Variants in KMT2C observed in about 807,000 individuals in gnomAD.
KMT2C encodes the protein histone-lysine N-methyltransferase 2C.
Under a neutral mutation model 507.9 loss-of-function variants are expected in KMT2C, and 88 were observed. The observed-to-expected ratio is 0.17, with a 90% CI of 0.15 to 0.21. The LOEUF (loss-of-function observed/expected upper bound fraction) is 0.21, where lower values mean the gene tolerates loss of function less well. KMT2C is among the 10% of genes least tolerant of loss of function. The pLI, the probability that KMT2C is intolerant of heterozygous loss-of-function variation, is 1.00. For missense variants in KMT2C, 4,954 were observed against 5,957.8 expected (o/e 0.83, Z 5.55); for synonymous variants, 2,049 against 2,080.8 (o/e 0.98, Z 0.42).
At chr7:152,238,225 T>C (rs2095320698) in intron 15 of KMT2C, among the ~76,000 whole-genome samples, 2 of 152,430 alleles carry the variant, frequency 1.3e-5, no homozygotes, top group Admixed American at 6.5e-5. Flanking sequence ...TCAAAATGCA[T>C]CACACTACTT....
intron 2 of KMT2C, among the ~76,000 whole-genome samples, chr7:152,343,446 C>T (rs1303405389): frequency 3.7e-5 from 3 of 81,842 alleles, no homozygotes; most frequent in Non-Finnish European, 7.3e-5. Flanking sequence ...GAGAAAAAGA[C>T]TGGGAAAAAA....
intron 38 of KMT2C, among the ~76,000 whole-genome samples, chr7:152,175,184 C>G (rs2093145322): frequency 6.8e-6 from 1 of 147,982 alleles, no homozygotes; most frequent in South Asian, 2.1e-4. Flanking sequence ...CTCACTCTGT[C>G]CCCCAGGCTG....
rs182856324 is a variant in KMT2C, at chr7:152,248,571, A to G, written c.1863T>C (p.Asn621=). 2 of 1,613,476 alleles carry G rather than the reference A, an allele frequency of 1.2e-6. No individual in the cohort carries two copies. The highest frequency in any genetic ancestry group is 1.7e-6 in the Non-Finnish European group (2 of 1,179,658). ...VNTELEKQIS[N]EVDSEDLKMS... is the part of the protein sequence containing the mutation. ...TTTTCAGGTCTTCACTATCAACTTC[A>G]TTAGAAATCTGTTTTTCCAATTCAG... The change falls in exon 14 of 59, where the codon AAT becomes AAC. Residue 621 remains asparagine (N), a synonymous_variant. Coordinates refer to ENST00000262189, the MANE Select transcript of KMT2C (RefSeq NM_170606.3).
intron 7 of KMT2C, among the ~76,000 whole-genome samples, chr7:152,267,134 G>A (rs1429533646): frequency 6.6e-6 from 1 of 152,172 alleles, no homozygotes; most frequent in African/African-American, 2.4e-5. Context: ...GAGTTTCTTA[G>A]GATTTCATCC....
intron 6 of KMT2C, among the ~76,000 whole-genome samples, chr7:152,274,261 A>G (rs943829460): frequency 1.3e-5 from 2 of 152,174 alleles, no homozygotes; most frequent in African/African-American, 4.8e-5. Context: ...CATATATTTT[A>G]TTTATGAGAC....
chr7:152,168,464 G>A (rs1372876257), intron 41 of KMT2C, among the ~76,000 whole-genome samples: 1 of 152,172 alleles, frequency 6.6e-6, no homozygotes, highest in Non-Finnish European at 1.5e-5. Flanking sequence ...TCCAGTACAT[G>A]TATGAACTTG....
At chr7:152,372,560 C>A (rs2097300492) in intron 1 of KMT2C, among the ~76,000 whole-genome samples, 1 of 152,122 alleles carries the variant, frequency 6.6e-6, no homozygotes, top group Non-Finnish European at 1.5e-5. Flanking sequence ...AAAGATATTC[C>A]ACACACATGT....
chr7:152,313,994 G>T (rs1348234524), intron 4 of KMT2C, among the ~76,000 whole-genome samples: 1 of 152,010 alleles, frequency 6.6e-6, no homozygotes, highest in Non-Finnish European at 1.5e-5. Context: ...CATTAAATTT[G>T]CTAATAGACA....
At chr7:152,209,698 C>T (rs111312970) in intron 23 of KMT2C, among the ~76,000 whole-genome samples, 3 of 147,500 alleles carry the variant, frequency 2.0e-5, no homozygotes, top group African/African-American at 7.5e-5. Context: ...TATGATCACA[C>T]TACTGCATTC....
rs554112471 is a variant in KMT2C, at chr7:152,295,969, G to A, written c.849+13997C>T. Among the ~76,000 whole-genome samples, 401 of 150,650 alleles carry A rather than the reference G, an allele frequency of 2.7e-3. 3 individuals are homozygous for A. The highest frequency in any genetic ancestry group is 9.4e-3 in the African/African-American group (386 of 40,916). On this transcript the variant is annotated intron_variant, in intron 6 of 58. Coordinates refer to ENST00000262189, the MANE Select transcript of KMT2C (RefSeq NM_170606.3). ...TATAGTCCCAGCTACTCGGGAGGCT[G>A]AGGCAGGAGAATGGCGTGAACCCAG...
chr7:152,161,902 C>T lies in KMT2C; in HGVS notation c.11460+215G>A, dbSNP rs536296771. Among the ~76,000 whole-genome samples, 3 of 152,148 alleles carry T rather than the reference C, an allele frequency of 2.0e-5. No individual in the cohort carries two copies. The East Asian group carries it at 5.8e-4, about 29-fold the overall frequency. The stretch of plus-strand genomic sequence containing the variant: ...ATATGAAATGCAATACATGCCTTTG[C>T]TTTTTAAAAAATAGTAAACAAATTA... On this transcript the variant is annotated intron_variant, in intron 43 of 58. Coordinates refer to ENST00000262189, the MANE Select transcript of KMT2C (RefSeq NM_170606.3).
chr7:152,189,688 TCTGA>T lies in KMT2C; in HGVS notation c.4661-1845_4661-1842del, dbSNP rs372679427. Among the ~76,000 whole-genome samples the T allele has an allele frequency of 1.8e-3, 275 of 152,336 alleles. 2 individuals are homozygous for T. Among genetic ancestry groups the T allele is most frequent in the African/African-American group, 6.5e-3 (272 of 41,588 alleles). On this transcript the variant is annotated intron_variant, in intron 31 of 58. Coordinates refer to ENST00000262189, the MANE Select transcript of KMT2C (RefSeq NM_170606.3). ...TTGTCTCAAAGACTTCCTAGAACTC[TCTGA>T]CTTTCACAAACGGGCTTACCCTACT...
intron 1 of KMT2C, among the ~76,000 whole-genome samples, chr7:152,369,633 G>A (rs182600290): frequency 4.2e-4 from 64 of 152,282 alleles, no homozygotes; most frequent in Middle Eastern, 3.4e-3. Flanking sequence ...TCTTGGAGAA[G>A]TGAACCCACA....
chr7:152,251,873 T>C (rs2095567670), intron 11 of KMT2C, 66 bp downstream of exon 11: 11 of 1,156,962 alleles, frequency 9.5e-6, no homozygotes, highest in South Asian at 3.6e-5. Flanking sequence ...AAGCAATATA[T>C]TGGTGATACA....
At chr7:152,214,613 T>C (rs1192711392) in intron 23 of KMT2C, among the ~76,000 whole-genome samples, 8 of 152,232 alleles carry the variant, frequency 5.3e-5, no homozygotes, top group African/African-American at 1.2e-4. Context: ...TACAATGGAA[T>C]AGTTAGCTTT....
At position 152,181,228 on chromosome 7, in the gene KMT2C, C is replaced by G. The variant is rs774937398; in HGVS notation, c.6632G>C (p.Arg2211Thr). The stretch of plus-strand genomic sequence containing the variant: ...AGAGTAAGGGACAGAAATTCCAGGT[C>G]TTGGTGTTCCAGGAGGATGAGCATA... The part of the protein sequence containing the change: ...DPYAHPPGTP[R>T]PGISVPYSQP... Residue 2211 changes from arginine to threonine, a missense_variant, in exon 36 of 59, where the codon AGA becomes ACA. Around this residue, in one of 29 missense-constraint regions of KMT2C, gnomAD observed 1,689 missense variants for 1,654.3 expected, o/e 1.02. Coordinates refer to ENST00000262189, the MANE Select transcript of KMT2C (RefSeq NM_170606.3). 6.2e-7 allele frequency: 1 copy of G among 1,614,028 alleles called. No individual in the cohort carries two copies. The highest frequency in any genetic ancestry group is 8.5e-7 in the Non-Finnish European group (1 of 1,180,006).
intron 1 of KMT2C, among the ~76,000 whole-genome samples, chr7:152,361,410 A>G (rs541855690): frequency 6.6e-5 from 10 of 152,130 alleles, no homozygotes; most frequent in Non-Finnish European, 1.5e-4. Flanking sequence ...AATATACAAA[A>G]AAATTAGCCG....
chr7:152,282,129 CAAA>C (rs112908780), intron 6 of KMT2C, among the ~76,000 whole-genome samples: 10 of 135,322 alleles, frequency 7.4e-5, no homozygotes, highest in Admixed American at 2.9e-4. Context: ...CCATTTCTAC[CAAA>C]AAAAAAATAC....
chr7:152,197,945 C>T (rs1469133931), intron 27 of KMT2C, among the ~76,000 whole-genome samples: 1 of 151,558 alleles, frequency 6.6e-6, no homozygotes, highest in Non-Finnish European at 1.5e-5. Context: ...AAAAAAAAAA[C>T]TTGTATCAAT....
Sources: allele counts gnomAD v4.1 joint callset (sites outside exome capture counted in the v4.1 genomes callset), GRCh38; gene constraint gnomAD v4.1.1; regional missense constraint gnomAD v4.1.1; transcripts MANE v1.5; gene names NCBI Gene and HGNC (gene_info 2026-07-23, HGNC 2026-07-21).